The following DCTN5 variants were observed in gnomAD, a reference collection of about 807,000 sequenced individuals.
The protein encoded by DCTN5 is dynactin subunit 5.
Under a neutral mutation model 23.5 loss-of-function variants are expected in DCTN5, and 14 were observed. The ratio of observed to expected loss-of-function variants is 0.60; its 90% confidence interval spans 0.39 to 0.93. The LOEUF (loss-of-function observed/expected upper bound fraction) is 0.93. DCTN5 is among the 40% of genes least tolerant of loss of function. The pLI, the probability that DCTN5 is intolerant of heterozygous loss-of-function variation, is 0.00. For synonymous variants in DCTN5, 67 were observed against 79.6 expected, an observed-to-expected ratio of 0.84 and a Z score of 0.84; for missense variants, 156 against 225.9, an observed-to-expected ratio of 0.69 and a Z score of 1.98.
chr16:23,654,572 A>G (rs899129251), intron 2 of DCTN5, among the ~76,000 whole-genome samples: 5 of 152,206 alleles, frequency 3.3e-5, no homozygotes, highest in African/African-American at 9.7e-5. Flanking sequence ...AAGTTTACCT[A>G]TGTAACAAAC....
chr16:23,666,448 G>A (rs1967907940), intron 5 of DCTN5: 1 of 153,508 alleles, frequency 6.5e-6, no homozygotes, highest in African/African-American at 2.4e-5. Context: ...TATAAAGCTT[G>A]AGGAAACAAA....
intron 2 of DCTN5, among the ~76,000 whole-genome samples, chr16:23,658,169 A>G (rs1967744954): frequency 6.6e-6 from 1 of 152,240 alleles, no homozygotes; most frequent in Non-Finnish European, 1.5e-5. Flanking sequence ...GCGAGCAGCC[A>G]AGGCTTGGGG....
intron 4 of DCTN5, among the ~76,000 whole-genome samples, chr16:23,662,229 T>C (rs1967826483): frequency 6.6e-6 from 1 of 152,024 alleles, no homozygotes; most frequent in Non-Finnish European, 1.5e-5. Context: ...GAGTTGAAAC[T>C]GGGGGAAGAC....
intron 2 of DCTN5, among the ~76,000 whole-genome samples, chr16:23,658,108 G>T (rs748537911): frequency 1.3e-5 from 2 of 152,214 alleles, no homozygotes; most frequent in African/African-American, 2.4e-5. Flanking sequence ...GTTGGAGGAG[G>T]TGTAGTGTTA....
rs1464431119 is a variant in DCTN5 at position 23,658,396 on chromosome 16, C to T, written c.118-111C>T. ...CTTTTGGCGGAACATTTGAAACATT[C>T]TGTCAGAGTGGATTGTAACATAACT... On this transcript the variant is annotated intron_variant, in intron 2 of 5. Coordinates refer to ENST00000300087, the MANE Select transcript of DCTN5 (RefSeq NM_032486.4). 1.1e-4 allele frequency: 83 copies of T among 754,928 alleles called. 1 individual carries two copies. In the Admixed American group the frequency reaches 1.6e-3, roughly 14 times the overall value. 46.8% of individuals were successfully genotyped at this position (754,928 alleles called of 1,614,324 possible). A position where few individuals can be genotyped will look rare whatever the true frequency, so the allele number is the denominator to read the frequency against.
In DCTN5 at chr16:23,671,423, AT is replaced by A. The variant is rs1968005688; in HGVS notation, c.*4280del. On this transcript the variant is annotated 3_prime_UTR_variant, in exon 6 of 6. Coordinates refer to ENST00000300087, the MANE Select transcript of DCTN5 (RefSeq NM_032486.4). The stretch of plus-strand genomic sequence containing the variant: ...AATTTAAAACATCTTGCCCTTTATA[AT>A]CAGTCCGCCACAAACAAGAGATGGA... 6.6e-6 allele frequency: 1 copy of A among 152,212 alleles called. No individual in the cohort carries two copies. The highest frequency in any genetic ancestry group is 2.4e-5 in the African/African-American group (1 of 41,452). 9.4% of individuals were successfully genotyped at this position (152,212 alleles called of 1,614,324 possible). A position where few individuals can be genotyped will look rare whatever the true frequency, so the allele number is the denominator to read the frequency against.
chr16:23,647,592 C>T (rs559168473), intron 2 of DCTN5, among the ~76,000 whole-genome samples: 89 of 151,734 alleles, frequency 5.9e-4, no homozygotes, highest in African/African-American at 2.1e-3. Flanking sequence ...ACTGCAGCCT[C>T]CACTTCCCAG....
At chr16:23,642,202 G>A (rs1466330396) in intron 1 of DCTN5, among the ~76,000 whole-genome samples, 1 of 152,130 alleles carries the variant, frequency 6.6e-6, no homozygotes, top group Non-Finnish European at 1.5e-5. Flanking sequence ...CAAAGTGCTG[G>A]CATTACAGGC....
In DCTN5 at chr16:23,642,773, C is replaced by CACCA. The variant is rs1967324192; in HGVS notation, c.49-181_49-178dup. ...AAGTGCTGAGATTACAGGCATGAGC[C>CACCA]ACCATACTCAGCCATAGTTTCCTAA... On this transcript the variant is annotated intron_variant, in intron 1 of 5. Transcript: ENST00000300087. 2.2e-5 allele frequency: 13 copies of CACCA among 595,584 alleles called. No individual in the cohort carries two copies. The South Asian group carries it at 2.4e-4, about 11-fold the overall frequency. The allele number at this position is 595,584 out of a possible 1,614,324, so 36.9% of individuals were successfully genotyped here.
chr16:23,654,421 A>T (rs1160863169), intron 2 of DCTN5, among the ~76,000 whole-genome samples: 2 of 152,120 alleles, frequency 1.3e-5, no homozygotes, highest in East Asian at 1.9e-4. Context: ...ACATGGACAC[A>T]TAGAGGGGAA....
chr16:23,662,112 G>A (rs1225987482), intron 4 of DCTN5, among the ~76,000 whole-genome samples: 1 of 151,896 alleles, frequency 6.6e-6, no homozygotes, highest in African/African-American at 2.4e-5. Flanking sequence ...GTAGACCTGG[G>A]ATTTAAACCC....
In DCTN5 at chr16:23,667,037, C is replaced by G; in HGVS notation, c.452-10C>G. Reference sequence around the variant, plus strand: ...TCAAGCTCCTTAGAGCTGGGTCTTTCTTTCCCCAGGACTCTTCTCAGGGGA... The same window carrying G: ...TCAAGCTCCTTAGAGCTGGGTCTTTGTTTCCCCAGGACTCTTCTCAGGGGA... On this transcript the variant is annotated splice_polypyrimidine_tract_variant and intron_variant, in intron 5 of 5. Coordinates refer to ENST00000300087, the MANE Select transcript of DCTN5 (RefSeq NM_032486.4). 1 of 1,613,698 alleles carries G rather than the reference C, an allele frequency of 6.2e-7. No individual in the cohort carries two copies. Among genetic ancestry groups the G allele is most frequent in the Non-Finnish European group, 8.5e-7 (1 of 1,179,926 alleles).
At position 23,655,317 on chromosome 16, in the gene DCTN5, A is replaced by G. The variant is rs550269016; in HGVS notation, c.118-3190A>G. 5.8e-4 allele frequency among the ~76,000 whole-genome samples: 88 copies of G among 152,168 alleles called. 2 individuals carry two copies. Among genetic ancestry groups the G allele is most frequent in the Non-Finnish European group, 8.1e-4 (55 of 68,020 alleles). ...TGCTTCATCTCTAAACTCACCTTGT[A>G]AACTCAAGTCCTAGTTTGACTAGGG... On this transcript the variant is annotated intron_variant, in intron 2 of 5. Transcript: ENST00000300087.
At chr16:23,641,668 C>A in intron 1 of DCTN5, 78 bp downstream of exon 1, 1 of 1,442,908 alleles carries the variant, frequency 6.9e-7, no homozygotes, top group South Asian at 1.2e-5. Context: ...CCCAACCTGC[C>A]CCTACCCCAC....
intron 1 of DCTN5, among the ~76,000 whole-genome samples, chr16:23,642,180 G>A (rs2140964935): frequency 6.6e-6 from 1 of 152,234 alleles, no homozygotes; most frequent in Admixed American, 6.5e-5. Flanking sequence ...TGATCGACCC[G>A]CCTCGGCCTC....
At position 23,673,287 on chromosome 16, in the gene DCTN5, A is replaced by AT. The variant is rs1047628031; in HGVS notation, c.*6149dup. ...AAAAAAAACTTGCTTGTATTTGTTT[A>AT]TTTTTTAAATAGAGACAGGGTTTTA... On this transcript the variant is annotated 3_prime_UTR_variant, in exon 6 of 6. Transcript: ENST00000300087. The AT allele has an allele frequency of 6.6e-6, 1 of 152,042 alleles. No individual in the cohort carries two copies. Among genetic ancestry groups the AT allele is most frequent in the Non-Finnish European group, 1.5e-5 (1 of 67,988 alleles). 9.4% of individuals were successfully genotyped at this position (152,042 alleles called of 1,614,324 possible).
rs1371268206 is a variant in DCTN5 at position 23,675,180 on chromosome 16, T to A, written c.*8036T>A. ...GTTAAGTTGCATAAAAACGTTTATC[T>A]ACTTGAACTCTAGGATGATAGTTAA... On this transcript the variant is annotated 3_prime_UTR_variant, in exon 6 of 6. Transcript: ENST00000300087. The A allele has an allele frequency of 2.0e-5, 3 of 152,108 alleles. No homozygotes were observed. The highest frequency in any genetic ancestry group is 7.2e-5 in the African/African-American group (3 of 41,420). The allele number at this position is 152,108 out of a possible 1,614,324, so 9.4% of individuals were successfully genotyped here.
chr16:23,650,486 T>A (rs1967578400), intron 2 of DCTN5, among the ~76,000 whole-genome samples: 1 of 151,104 alleles, frequency 6.6e-6, no homozygotes, highest in African/African-American at 2.4e-5. Context: ...GCTAATTTTT[T>A]TTTTTTTTTT....
chr16:23,641,682 C>CCCCTGT (rs1428811942), intron 1 of DCTN5, 92 bp downstream of exon 1: 5 of 1,346,178 alleles, frequency 3.7e-6, no homozygotes, highest in Non-Finnish European at 5.3e-6. Flanking sequence ...ACCCCACCAA[C>CCCCTGT]CCCTGTCCCT....
Sources: gnomAD v4.1 joint callset for allele counts (sites outside exome capture counted in the v4.1 genomes callset) on GRCh38, gnomAD v4.1.1 for gene constraint, MANE v1.5 for transcripts, NCBI Gene and HGNC (gene_info 2026-07-23, HGNC 2026-07-21) for gene names.